APCDD1L: variants seen among roughly 807,000 people sequenced by gnomAD.
APCDD1L encodes the protein APC down-regulated 1 like, also known as protein APCDD1-like.
Under a neutral mutation model 24.2 loss-of-function variants are expected in APCDD1L, and 21 were observed. That is an observed-to-expected ratio of 0.87 (90% CI 0.61 to 1.25). The LOEUF is 1.25. APCDD1L is among the 50% of genes most tolerant of loss of function. The probability of loss-of-function intolerance (pLI) is 0.00; values close to 1 mark genes in which losing one functional copy is unlikely to be tolerated. For synonymous variants in APCDD1L, 321 were observed against 323.6 expected, an observed-to-expected ratio of 0.99 and a Z score of 0.09; for missense variants, 704 against 711.7, an observed-to-expected ratio of 0.99 and a Z score of 0.12.
chr20:58,482,675 C>T (rs1343831002), intron 1 of APCDD1L, among the ~76,000 whole-genome samples: 1 of 152,152 alleles, frequency 6.6e-6, no homozygotes, highest in Non-Finnish European at 1.5e-5. Context: ...CTTCGAAGCC[C>T]ACATTCATGG....
chr20:58,461,206 C>A lies in APCDD1L; in HGVS notation c.1090G>T (p.Asp364Tyr). ...TTGAGCATGGCCGTGGTGACCTGGT[C>A]CATGGGGGTCACATGGGCCCGTGTG... ...EVTRAHVTPM[D>Y]QVTTAMLNFS... The change falls in exon 4 of 4, where the codon GAC becomes TAC. Residue 364 changes from aspartate to tyrosine, a missense_variant. Coordinates refer to ENST00000371149, the MANE Select transcript of APCDD1L (RefSeq NM_153360.3). This position sits in a 1 kb window ranked among gnomAD's most constrained non-coding sequence, Gnocchi z 6.0. The A allele has an allele frequency of 6.2e-7, 1 of 1,613,600 alleles. No homozygotes were observed. The highest frequency in any genetic ancestry group is 1.1e-5 in the South Asian group (1 of 91,054).
rs750983370 is a variant in APCDD1L at position 58,467,176 on chromosome 20, A to G, written c.671T>C (p.Ile224Thr). 1 of 1,607,012 alleles carries G rather than the reference A, an allele frequency of 6.2e-7. No homozygotes were observed. Among genetic ancestry groups the G allele is most frequent in the Admixed American group, 1.7e-5 (1 of 59,956 alleles). ...CCGCCTCTCCGCCGGGTCGGTGTGGATGTCCCCCAGGTACAGCTCCTCCAC... is the reference window on the plus strand; with the variant it reads ...CCGCCTCTCCGCCGGGTCGGTGTGGGTGTCCCCCAGGTACAGCTCCTCCAC... ...RLVEELYLGDIHTDPAERRHY... is the reference protein window; with the variant it reads ...RLVEELYLGDTHTDPAERRHY... Residue 224 changes from isoleucine to threonine, a missense_variant, in exon 3 of 4, where the codon ATC becomes ACC. Ile to Thr is a moderately conservative substitution (Grantham distance 89, BLOSUM62 -1). Transcript: ENST00000371149. The surrounding 1 kb of genome is among the most constrained non-coding windows in gnomAD (Gnocchi z 5.9).
chr20:58,512,453 G>T (rs145229987), intron 1 of APCDD1L, among the ~76,000 whole-genome samples: 101 of 152,308 alleles, frequency 6.6e-4, no homozygotes, highest in African/African-American at 2.3e-3. Flanking sequence ...TCTGTAGGAA[G>T]AGGGCAGGGA....
rs145530588 is a variant in APCDD1L at position 58,461,325 on chromosome 20, C to G, written c.971G>C (p.Arg324Pro). Residue 324 changes from arginine (R) to proline (P), a missense_variant, in exon 4 of 4, where the codon CGG (arginine) becomes CCG (proline). Coordinates refer to ENST00000371149, the MANE Select transcript of APCDD1L (RefSeq NM_153360.3). This position sits in a 1 kb window ranked among gnomAD's most constrained non-coding sequence, Gnocchi z 6.0. ...YYHHFSDPAC[R>P]QPTFTVYAAG... ...GGCATACACGGTGAAGGTGGGCTGC[C>G]GGCAGGCTGGGTCTGAGAAGTGGTG... The G allele has an allele frequency of 8.1e-6, 13 of 1,602,574 alleles. No individual in the cohort carries two copies. Among genetic ancestry groups the G allele is most frequent in the Middle Eastern group, 3.3e-4 (2 of 6,034 alleles).
At chr20:58,473,074 C>T (rs374512085) in intron 1 of APCDD1L, among the ~76,000 whole-genome samples, 9 of 151,998 alleles carry the variant, frequency 5.9e-5, no homozygotes, top group African/African-American at 9.7e-5. Flanking sequence ...GAAAACAGAG[C>T]GAGGAAAAGG....
chr20:58,498,659 TTGAGAC>T (rs1197940600), intron 1 of APCDD1L, among the ~76,000 whole-genome samples: 2 of 152,146 alleles, frequency 1.3e-5, no homozygotes, highest in African/African-American at 4.8e-5. Flanking sequence ...TGTTTGGACT[TTGAGAC>T]CAGCTGAAGC....
chr20:58,494,048 A>G lies in APCDD1L; in HGVS notation c.49+20611T>C, dbSNP rs926000448. ...TAGAGAAAAGGTTATTGACAAAATC[A>G]TAAGGAAGAGAAAACATATTTAGGA... On this transcript the variant is annotated intron_variant, in intron 1 of 3. Transcript: ENST00000371149. This position sits in a 1 kb window ranked among gnomAD's most constrained non-coding sequence, Gnocchi z 4.8. Among the ~76,000 whole-genome samples the G allele has an allele frequency of 1.3e-5, 2 of 152,246 alleles. No individual in the cohort carries two copies. The highest frequency in any genetic ancestry group is 2.9e-5 in the Non-Finnish European group (2 of 68,042).
rs182354592 is a variant in APCDD1L at position 58,478,858 on chromosome 20, G to T, written c.50-8111C>A. Among the ~76,000 whole-genome samples the T allele has an allele frequency of 4.6e-5, 7 of 152,074 alleles. No homozygotes were observed. The East Asian group carries it at 1.4e-3, about 30-fold the overall frequency. Reference sequence around the variant, plus strand: ...AGTCAGGGAGTTCCCAGCAGGCTGGGGGCCCAGGCTGATCCAAGCAGGTAG... The same window carrying T: ...AGTCAGGGAGTTCCCAGCAGGCTGGTGGCCCAGGCTGATCCAAGCAGGTAG... On this transcript the variant is annotated intron_variant, in intron 1 of 3. Coordinates refer to ENST00000371149, the MANE Select transcript of APCDD1L (RefSeq NM_153360.3).
At position 58,461,302 on chromosome 20, in the gene APCDD1L, C is replaced by T. The variant is rs1305724788; in HGVS notation, c.994G>A (p.Ala332Thr). ...GTGCCCCTGGTGTAGCGGCCGGCGGCATACACGGTGAAGGTGGGCTGCCGG... is the reference window on the plus strand; with the variant it reads ...GTGCCCCTGGTGTAGCGGCCGGCGGTATACACGGTGAAGGTGGGCTGCCGG... ...ACRQPTFTVY[A>T]AGRYTRGTPS... The change falls in exon 4 of 4, where the codon GCC (alanine) becomes ACC (threonine). Residue 332 changes from alanine to threonine, a missense_variant. Transcript: ENST00000371149. The surrounding 1 kb of genome is among the most constrained non-coding windows in gnomAD (Gnocchi z 6.0). 3.1e-6 allele frequency: 5 copies of T among 1,609,416 alleles called. No homozygotes were observed. The highest frequency in any genetic ancestry group is 2.2e-5 in the South Asian group (2 of 90,800).
In APCDD1L at chr20:58,495,087, G is replaced by A. The variant is rs550626324; in HGVS notation, c.49+19572C>T. ...TGGCCCCAACTGGTGCAGATTGGACGCTTAGTGCTCACATGCCTCCTTCAG... is the reference window on the plus strand; with the variant it reads ...TGGCCCCAACTGGTGCAGATTGGACACTTAGTGCTCACATGCCTCCTTCAG... On this transcript the variant is annotated intron_variant, in intron 1 of 3. Transcript: ENST00000371149. Among the ~76,000 whole-genome samples, 8 of 152,226 alleles carry A rather than the reference G, an allele frequency of 5.3e-5. No homozygotes were observed. The East Asian group carries it at 7.7e-4, about 15-fold the overall frequency.
At chr20:58,495,434 C>CA (rs553831447) in intron 1 of APCDD1L, among the ~76,000 whole-genome samples, 265 of 152,262 alleles carry the variant, frequency 1.7e-3, no homozygotes, top group African/African-American at 6.1e-3. Flanking sequence ...CTGGGGGCCA[C>CA]AGTGGCATGG....
At chr20:58,479,645 A>G (rs1031750079) in intron 1 of APCDD1L, among the ~76,000 whole-genome samples, 1 of 147,860 alleles carries the variant, frequency 6.8e-6, no homozygotes, top group Non-Finnish European at 1.5e-5. Flanking sequence ...AGTTTATTTC[A>G]AAACCGTCAG....
Position 58,461,308 on chromosome 20 carries a change from CGGT to C in APCDD1L, c.985_987del (p.Thr329del). On this transcript the variant is annotated inframe_deletion, in exon 4 of 4. Transcript: ENST00000371149. This position sits in a 1 kb window ranked among gnomAD's most constrained non-coding sequence, Gnocchi z 6.0. The stretch of plus-strand genomic sequence containing the variant: ...CTGGTGTAGCGGCCGGCGGCATACA[CGGT>C]GAAGGTGGGCTGCCGGCAGGCTGGG... 1 of 1,607,162 alleles carries C rather than the reference CGGT, an allele frequency of 6.2e-7. No homozygotes were observed. Among genetic ancestry groups the C allele is most frequent in the Non-Finnish European group, 8.5e-7 (1 of 1,175,248 alleles).
intron 1 of APCDD1L, among the ~76,000 whole-genome samples, chr20:58,491,574 C>G (rs1244837964): frequency 6.6e-6 from 1 of 152,032 alleles, no homozygotes; most frequent in Non-Finnish European, 1.5e-5. Flanking sequence ...ATTAAAATTT[C>G]TTGAAAGACA....
chr20:58,493,501 T>A (rs954725727), intron 1 of APCDD1L, among the ~76,000 whole-genome samples: 77 of 152,192 alleles, frequency 5.1e-4, no homozygotes, highest in African/African-American at 1.8e-3. Context: ...TCCTCACACA[T>A]TGGAATATTA....
chr20:58,483,491 A>T (rs1459910941), intron 1 of APCDD1L, among the ~76,000 whole-genome samples: 1 of 152,222 alleles, frequency 6.6e-6, no homozygotes, highest in Non-Finnish European at 1.5e-5. Flanking sequence ...CAATTCAATA[A>T]CTGACACGTC....
chr20:58,505,689 A>G (rs1407484146), intron 1 of APCDD1L, among the ~76,000 whole-genome samples: 2 of 151,794 alleles, frequency 1.3e-5, no homozygotes, highest in African/African-American at 4.8e-5. Flanking sequence ...ACAGAATTGC[A>G]ACACTGCAAA....
chr20:58,462,616 G>A lies in APCDD1L; in HGVS notation c.742-1062C>T, dbSNP rs138805090. On this transcript the variant is annotated intron_variant, in intron 3 of 3. Coordinates refer to ENST00000371149, the MANE Select transcript of APCDD1L (RefSeq NM_153360.3). Reference sequence around the variant, plus strand: ...CCCAGCTCTTTGGGAGGCTGAGGTGGGCAGATCACTTGAGGTCAGGAATTC... The same window carrying A: ...CCCAGCTCTTTGGGAGGCTGAGGTGAGCAGATCACTTGAGGTCAGGAATTC... 6.1e-3 allele frequency among the ~76,000 whole-genome samples: 922 copies of A among 152,228 alleles called. 24 individuals are homozygous for A. The East Asian group carries it at 0.07, about 12-fold the overall frequency.
chr20:58,507,609 A>G (rs1990547076), intron 1 of APCDD1L, among the ~76,000 whole-genome samples: 1 of 152,150 alleles, frequency 6.6e-6, no homozygotes, highest in Non-Finnish European at 1.5e-5. Flanking sequence ...CCCTCTGGGG[A>G]ATATATACAC....
Sources: gnomAD v4.1 joint callset for allele counts (sites outside exome capture counted in the v4.1 genomes callset) on GRCh38, gnomAD v4.1.1 for gene constraint, Gnocchi (gnomAD v3.1) non-coding constraint, MANE v1.5 for transcripts, NCBI Gene and HGNC (gene_info 2026-07-23, HGNC 2026-07-21) for gene names.